Variants in CEP128 observed in about 807,000 individuals in gnomAD.
CEP128 encodes centrosomal protein 128kDa.
Under a neutral mutation model 156.7 loss-of-function variants are expected in CEP128, and 132 were observed. That is an observed-to-expected ratio of 0.84 (90% CI 0.73 to 0.97). CEP128 has a LOEUF of 0.97. CEP128 is among the 50% of genes least tolerant of loss of function. The pLI is 0.00. For synonymous variants in CEP128, 469 were observed against 448.9 expected, an observed-to-expected ratio of 1.04 and a Z score of -0.57; for missense variants, 1,252 against 1,281.9, an observed-to-expected ratio of 0.98 and a Z score of 0.36.
intron 19 of CEP128, among the ~76,000 whole-genome samples, chr14:80,636,920 C>A (rs182382878): frequency 8.3e-4 from 126 of 152,080 alleles, no homozygotes; most frequent in South Asian, 4.6e-3. Flanking sequence ...AACCCTGTCT[C>A]TACTAAAAAT....
chr14:80,741,429 G>C (rs555393341), intron 19 of CEP128, among the ~76,000 whole-genome samples: 1 of 152,108 alleles, frequency 6.6e-6, no homozygotes, highest in East Asian at 1.9e-4. Flanking sequence ...CTTCTAAGAG[G>C]TTCCTGACAT....
upstream of CEP128, among the ~76,000 whole-genome samples, chr14:80,943,963 C>A (rs1460914593): frequency 6.7e-6 from 1 of 148,156 alleles, no homozygotes; most frequent in African/African-American, 2.5e-5. Context: ...CACTGCACTC[C>A]AGCCTTGGTG....
chr14:80,608,696 G>C (rs1259384074), intron 19 of CEP128, among the ~76,000 whole-genome samples: 1 of 152,052 alleles, frequency 6.6e-6, no homozygotes, highest in African/African-American at 2.4e-5. Flanking sequence ...CTTCTGCCTG[G>C]AATGCCCTGC....
chr14:80,762,756 G>A (rs1314902925), intron 16 of CEP128, among the ~76,000 whole-genome samples: 1 of 152,074 alleles, frequency 6.6e-6, no homozygotes, highest in Non-Finnish European at 1.5e-5. Flanking sequence ...GACCACATCT[G>A]ACTTGTACAA....
downstream of CEP128, among the ~76,000 whole-genome samples, chr14:80,489,718 C>G (rs1411996784): frequency 6.7e-6 from 1 of 150,152 alleles, no homozygotes; most frequent in East Asian, 1.9e-4. Context: ...GCTGCTCTCT[C>G]GTCTCCTTAA....
At chr14:80,823,534 C>T (rs1229919818) in intron 13 of CEP128, among the ~76,000 whole-genome samples, 1 of 152,096 alleles carries the variant, frequency 6.6e-6, no homozygotes. Context: ...GACTGTCTGC[C>T]CATGTCCTGC....
At chr14:80,828,112 G>C (rs1472576679) in intron 13 of CEP128, among the ~76,000 whole-genome samples, 4 of 147,692 alleles carry the variant, frequency 2.7e-5, no homozygotes, top group African/African-American at 7.7e-5. Flanking sequence ...GGCCTACTTT[G>C]CTTCTTTTTT....
rs1053980950 is a variant in CEP128, at chr14:80,637,325, G to A, written c.2807-56902C>T. ...ATATGGCAATTTGTCCTGGATTACC[G>A]AGGATGACCTAATGTAATCAGGAAA... On this transcript the variant is annotated intron_variant, in intron 19 of 24. Transcript: ENST00000555265. Among the ~76,000 whole-genome samples, 8 of 152,074 alleles carry A rather than the reference G, an allele frequency of 5.3e-5. No homozygotes were observed. In the East Asian group the frequency reaches 7.7e-4, roughly 15 times the overall value.
intron 20 of CEP128, among the ~76,000 whole-genome samples, chr14:80,564,862 G>A (rs920420971): frequency 2.0e-5 from 3 of 151,972 alleles, no homozygotes; most frequent in Non-Finnish European, 2.9e-5. Flanking sequence ...AGTCTGAGAC[G>A]AGCCTGGCTA....
chr14:80,691,818 A>G (rs1402636463), intron 19 of CEP128, among the ~76,000 whole-genome samples: 1 of 152,214 alleles, frequency 6.6e-6, no homozygotes, highest in Non-Finnish European at 1.5e-5. Flanking sequence ...TCTTATATTT[A>G]TTACTGAGAT....
intron 19 of CEP128, among the ~76,000 whole-genome samples, chr14:80,719,517 G>T (rs1422564156): frequency 6.6e-6 from 1 of 152,110 alleles, no homozygotes; most frequent in Non-Finnish European, 1.5e-5. Context: ...TTTTGAGTTT[G>T]AAATTTTTTA....
chr14:80,649,731 GA>G (rs1417356495), intron 19 of CEP128, among the ~76,000 whole-genome samples: 1 of 151,906 alleles, frequency 6.6e-6, no homozygotes, highest in Non-Finnish European at 1.5e-5. Context: ...AGTCCTGATG[GA>G]AAAGCAATTT....
At chr14:80,958,791 AG>A (rs1886855294) in intron 1 of CEP128, among the ~76,000 whole-genome samples, 1 of 152,146 alleles carries the variant, frequency 6.6e-6, no homozygotes, top group Admixed American at 6.5e-5. Flanking sequence ...TAAATTATAC[AG>A]GATCTACTAC....
intron 2 of CEP128, among the ~76,000 whole-genome samples, chr14:80,922,372 A>G (rs1016892100): frequency 6.6e-6 from 1 of 152,226 alleles, no homozygotes; most frequent in East Asian, 1.9e-4. Context: ...TGACCAAAGG[A>G]AACACTTATC....
chr14:80,687,367 G>A (rs1896562201), intron 19 of CEP128, among the ~76,000 whole-genome samples: 1 of 152,022 alleles, frequency 6.6e-6, no homozygotes, highest in African/African-American at 2.4e-5. Context: ...AGAAAACGAG[G>A]TACATACATC....
chr14:80,682,930 G>C (rs1896379097), intron 19 of CEP128, among the ~76,000 whole-genome samples: 1 of 152,108 alleles, frequency 6.6e-6, no homozygotes, highest in Non-Finnish European at 1.5e-5. Context: ...CCTTTCAAGA[G>C]AACCTGGAGG....
chr14:80,798,241 G>A (rs540395515), intron 13 of CEP128, among the ~76,000 whole-genome samples: 2 of 152,286 alleles, frequency 1.3e-5, no homozygotes, highest in East Asian at 1.9e-4. Flanking sequence ...GAGTAGTTGG[G>A]TTGAAGGTCT....
At chr14:80,771,991 G>A (rs1049730144) in intron 16 of CEP128, among the ~76,000 whole-genome samples, 8 of 152,158 alleles carry the variant, frequency 5.3e-5, no homozygotes, top group African/African-American at 9.7e-5. Flanking sequence ...TTCTGTTTAA[G>A]ATTATGTTTA....
chr14:80,818,121 G>C (rs1884969562), intron 13 of CEP128, among the ~76,000 whole-genome samples: 1 of 152,176 alleles, frequency 6.6e-6, no homozygotes, highest in Non-Finnish European at 1.5e-5. Flanking sequence ...TTGGGCTCAA[G>C]TGATCCTCTC....
Sources: gnomAD v4.1 joint callset for allele counts (sites outside exome capture counted in the v4.1 genomes callset) on GRCh38, gnomAD v4.1.1 for gene constraint, MANE v1.5 for transcripts, NCBI Gene and HGNC (gene_info 2026-07-23, HGNC 2026-07-21) for gene names.